Variants in PALM2AKAP2 observed in about 807,000 individuals in gnomAD.
PALM2AKAP2 encodes PALM2 and AKAP2 fusion.
Under a neutral mutation model 71.5 loss-of-function variants are expected in PALM2AKAP2, and 37 were observed. The observed-to-expected ratio is 0.52, with a 90% confidence interval of 0.40 to 0.68. PALM2AKAP2 has a LOEUF of 0.68. Among genes scored for constraint, PALM2AKAP2 ranks in the 30% least tolerant of loss-of-function variants. The pLI is 0.00. For synonymous variants in PALM2AKAP2, 468 were observed against 478.8 expected, an observed-to-expected ratio of 0.98 and a Z score of 0.29; for missense variants, 1,224 against 1,191.8, an observed-to-expected ratio of 1.03 and a Z score of -0.40.
chr9:110,001,493 G>A (rs1232583962), intron 6 of PALM2AKAP2, among the ~76,000 whole-genome samples: 2 of 152,198 alleles, frequency 1.3e-5, no homozygotes, highest in Non-Finnish European at 2.9e-5. Flanking sequence ...ACTTGGCAAT[G>A]CAGGCTCTTT....
chr9:109,994,889 A>C (rs1397777780), intron 6 of PALM2AKAP2, among the ~76,000 whole-genome samples: 2 of 152,150 alleles, frequency 1.3e-5, no homozygotes, highest in African/African-American at 4.8e-5. Context: ...GCTGCGAGTC[A>C]GGGGCTCTCT....
intron 1 of PALM2AKAP2, among the ~76,000 whole-genome samples, chr9:110,130,367 C>T (rs977884463): frequency 7.9e-5 from 12 of 152,156 alleles, no homozygotes; most frequent in Non-Finnish European, 1.3e-4. Context: ...GGTCTTTGGA[C>T]GCTAAACTCT....
chr9:109,932,163 T>C, intron 6 of PALM2AKAP2, 135 bp downstream of exon 6: 3 of 980,450 alleles, frequency 3.1e-6, no homozygotes, highest in Non-Finnish European at 4.2e-6. Flanking sequence ...GATGCAGCCT[T>C]CACAGTGGCC....
At chr9:109,987,831 G>A (rs375133397) in intron 6 of PALM2AKAP2, among the ~76,000 whole-genome samples, 122 of 152,304 alleles carry the variant, frequency 8.0e-4, no homozygotes, top group Non-Finnish European at 1.3e-3. Flanking sequence ...AAACATCACC[G>A]TACCTCACAG....
chr9:109,887,630 T>G (rs749344995), intron 3 of PALM2AKAP2, among the ~76,000 whole-genome samples: 3 of 151,926 alleles, frequency 2.0e-5, no homozygotes, highest in African/African-American at 4.8e-5. Context: ...GAGGTAGTGA[T>G]GATGATGATG....
intron 1 of PALM2AKAP2, among the ~76,000 whole-genome samples, chr9:110,058,298 A>G (rs1040590424): frequency 2.6e-5 from 4 of 152,156 alleles, no homozygotes; most frequent in African/African-American, 9.7e-5. Flanking sequence ...AGCATGAAAG[A>G]TTTCCATTAG....
At chr9:109,961,238 C>CTG (rs1479041488) in intron 6 of PALM2AKAP2, among the ~76,000 whole-genome samples, 1 of 152,210 alleles carries the variant, frequency 6.6e-6, no homozygotes, top group Non-Finnish European at 1.5e-5. Flanking sequence ...ATTAAACTTG[C>CTG]TGTAGCCTGT....
chr9:109,954,641 TA>T (rs1435017287), intron 6 of PALM2AKAP2, among the ~76,000 whole-genome samples: 2 of 107,496 alleles, frequency 1.9e-5, no homozygotes, highest in Admixed American at 1.1e-4. Context: ...ACATGTACCC[TA>T]AAACTTAAAG....
intron 1 of PALM2AKAP2, among the ~76,000 whole-genome samples, chr9:109,772,564 A>G (rs1829284913): frequency 6.6e-6 from 1 of 151,998 alleles, no homozygotes; most frequent in Non-Finnish European, 1.5e-5. Context: ...TGACTGCTAC[A>G]CTCTTTTCTG....
intron 1 of PALM2AKAP2, chr9:110,127,762 T>G (rs1248819477): frequency 2.6e-5 from 4 of 152,278 alleles, no homozygotes; most frequent in African/African-American, 7.2e-5. Flanking sequence ...CACCGCGCTT[T>G]CTTCAATTCT....
intron 1 of PALM2AKAP2, among the ~76,000 whole-genome samples, chr9:109,852,770 C>G (rs1829057645): frequency 1.3e-5 from 2 of 152,114 alleles, no homozygotes; most frequent in Admixed American, 6.5e-5. Flanking sequence ...TGGTTTGCAT[C>G]TCTCTGATGA....
At chr9:109,812,207 C>T (rs1040663872) in intron 1 of PALM2AKAP2, among the ~76,000 whole-genome samples, 1 of 152,140 alleles carries the variant, frequency 6.6e-6, no homozygotes, top group African/African-American at 2.4e-5. Flanking sequence ...GACATCTTGC[C>T]ATGGGTGAAT....
At position 110,001,655 on chromosome 9, in the gene PALM2AKAP2, G is replaced by A. The variant is rs568277918; in HGVS notation, c.497-14299G>A. The stretch of plus-strand genomic sequence containing the variant: ...TTCTTCCTACCCATGAGCATGGAAT[G>A]TTCATGCTTTTGTTTGTATCCTCTT... On this transcript the variant is annotated intron_variant, in intron 6 of 9. Transcript: ENST00000302798. Among the ~76,000 whole-genome samples, 20 of 152,258 alleles carry A rather than the reference G, an allele frequency of 1.3e-4. No homozygotes were observed. In the South Asian group the frequency reaches 4.2e-3, roughly 32 times the overall value.
intron 1 of PALM2AKAP2, among the ~76,000 whole-genome samples, chr9:110,072,451 T>C (rs761680943): frequency 6.6e-6 from 1 of 152,178 alleles, no homozygotes; most frequent in Non-Finnish European, 1.5e-5. Flanking sequence ...AATTTGCCTA[T>C]AGTGTCATGC....
intron 3 of PALM2AKAP2, among the ~76,000 whole-genome samples, chr9:109,886,058 G>T (rs1386476113): frequency 6.6e-6 from 1 of 152,198 alleles, no homozygotes; most frequent in African/African-American, 2.4e-5. Context: ...CTGGAAACCA[G>T]AATTAAAATA....
chr9:109,703,117 C>T (rs535186875), intron 1 of PALM2AKAP2, among the ~76,000 whole-genome samples: 7 of 152,208 alleles, frequency 4.6e-5, no homozygotes, highest in African/African-American at 1.7e-4. Context: ...CTGTGCCTGG[C>T]CTATTTTTTA....
At chr9:110,048,710 C>A in exon 1 of PALM2AKAP2, 1 of 1,547,608 alleles carries the variant, frequency 6.5e-7, no homozygotes, top group East Asian at 2.4e-5. Context: ...ATGCGCTGGC[C>A]CCAGCCCGGG....
chr9:109,911,978 G>T (rs1830579501), intron 3 of PALM2AKAP2, among the ~76,000 whole-genome samples: 2 of 152,166 alleles, frequency 1.3e-5, no homozygotes, highest in African/African-American at 4.8e-5. Flanking sequence ...TTGGGGGGCT[G>T]GGGGAATTAT....
rs539136237 is a variant in PALM2AKAP2 at position 109,803,739 on chromosome 9, C to A, written c.45+23206C>A. On this transcript the variant is annotated intron_variant, in intron 1 of 9. Coordinates refer to the PALM2AKAP2 transcript ENST00000302798. ...CATAGTCCCAATTCTCCTCTTTCAT[C>A]TGCTTCTCCTCCACCCTAGTAGACA... 2.6e-5 allele frequency among the ~76,000 whole-genome samples: 4 copies of A among 152,336 alleles called. No homozygotes were observed. The South Asian group carries it at 8.3e-4, about 32-fold the overall frequency.
Sources: allele counts gnomAD v4.1 joint callset (sites outside exome capture counted in the v4.1 genomes callset), GRCh38; gene constraint gnomAD v4.1.1; transcripts MANE v1.5; gene names NCBI Gene and HGNC (gene_info 2026-07-23, HGNC 2026-07-21).